Variants in IMMP2L observed in about 807,000 individuals in gnomAD.
The protein encoded by IMMP2L is mitochondrial inner membrane protease subunit 2.
Under a neutral mutation model 19.3 loss-of-function variants are expected in IMMP2L, and 18 were observed. That is an observed-to-expected ratio of 0.93 (90% CI 0.64 to 1.38). The LOEUF (loss-of-function observed/expected upper bound fraction) is 1.38, where lower values mean the gene tolerates loss of function less well. IMMP2L is among the 40% of genes most tolerant of loss of function. IMMP2L has a pLI of 0.00. For missense variants in IMMP2L, 233 were observed against 218.2 expected (o/e 1.07, Z -0.43); for synonymous variants, 76 against 73.0 (o/e 1.04, Z -0.21).
chr7:111,231,805 G>A (rs1370190223), intron 3 of IMMP2L, among the ~76,000 whole-genome samples: 1 of 151,848 alleles, frequency 6.6e-6, no homozygotes, highest in Admixed American at 6.6e-5. Flanking sequence ...ATAAGTGTAG[G>A]CAATTCGAAT....
chr7:110,753,412 G>A (rs1385878624), intron 5 of IMMP2L, among the ~76,000 whole-genome samples: 3 of 151,960 alleles, frequency 2.0e-5, no homozygotes, highest in African/African-American at 7.2e-5. Context: ...CTTTCATTAC[G>A]GATTCCTGCA....
intron 3 of IMMP2L, among the ~76,000 whole-genome samples, chr7:111,383,007 G>A (rs1831355379): frequency 6.6e-6 from 1 of 151,996 alleles, no homozygotes; most frequent in Admixed American, 6.6e-5. Flanking sequence ...TCTACTCTGT[G>A]GCCAGTCATC....
rs867343942 is a variant in IMMP2L, at chr7:111,151,804, T to C, written c.240-188239A>G. Among the ~76,000 whole-genome samples the C allele has an allele frequency of 3.3e-5, 5 of 151,932 alleles. No homozygotes were observed. The South Asian group carries it at 8.3e-4, about 25-fold the overall frequency. On this transcript the variant is annotated intron_variant, in intron 3 of 5. Coordinates refer to ENST00000405709, the MANE Select transcript of IMMP2L (RefSeq NM_032549.4). ...AAGCACAAAAGTTAGCTGGGCGTGG[T>C]GCATGCCTGTAATCCCAGCTACTCA...
At chr7:111,238,655 T>C (rs1325724554) in intron 3 of IMMP2L, among the ~76,000 whole-genome samples, 1 of 151,870 alleles carries the variant, frequency 6.6e-6, no homozygotes, top group African/African-American at 2.4e-5. Context: ...AAAGGTAAAA[T>C]ATCCATGCAT....
At chr7:110,802,598 C>T (rs943996992) in intron 5 of IMMP2L, among the ~76,000 whole-genome samples, 1 of 151,814 alleles carries the variant, frequency 6.6e-6, no homozygotes, top group Admixed American at 6.6e-5. Context: ...TCATAAGATA[C>T]GGTCTTCTAT....
At chr7:111,349,890 T>G (rs1020410797) in intron 3 of IMMP2L, among the ~76,000 whole-genome samples, 4 of 151,702 alleles carry the variant, frequency 2.6e-5, no homozygotes, top group Admixed American at 2.6e-4. Flanking sequence ...AGAATAAGAG[T>G]CCCCGACCCA....
intron 1 of IMMP2L, among the ~76,000 whole-genome samples, chr7:111,561,440 C>T (rs1792035246): frequency 6.6e-6 from 1 of 152,136 alleles, no homozygotes; most frequent in South Asian, 2.1e-4. Context: ...ATGTAAACAT[C>T]CCTAGGGGGG....
chr7:111,082,918 T>A (rs1796007450), intron 3 of IMMP2L, among the ~76,000 whole-genome samples: 1 of 152,012 alleles, frequency 6.6e-6, no homozygotes, highest in Non-Finnish European at 1.5e-5. Context: ...TACATTTCCT[T>A]ACCTTAAAAA....
chr7:110,818,697 C>T (rs912665672), intron 5 of IMMP2L, among the ~76,000 whole-genome samples: 2 of 151,972 alleles, frequency 1.3e-5, no homozygotes, highest in African/African-American at 4.8e-5. Flanking sequence ...ATAGCAAAGA[C>T]TTGGAACCAA....
intron 5 of IMMP2L, among the ~76,000 whole-genome samples, chr7:110,859,947 C>T (rs1001332681): frequency 2.0e-5 from 3 of 152,050 alleles, no homozygotes; most frequent in African/African-American, 4.8e-5. Flanking sequence ...AACTTGTTCT[C>T]ATCTACTCTG....
intron 3 of IMMP2L, among the ~76,000 whole-genome samples, chr7:111,186,163 G>GT (rs1273463087): frequency 6.6e-6 from 1 of 152,130 alleles, no homozygotes; most frequent in Non-Finnish European, 1.5e-5. Context: ...GAGAAGAGTT[G>GT]TATAGGGTAT....
chr7:111,557,329 A>G (rs1028278874), intron 1 of IMMP2L, among the ~76,000 whole-genome samples: 3 of 152,214 alleles, frequency 2.0e-5, no homozygotes, highest in Middle Eastern at 3.4e-3. Flanking sequence ...TAAGAAGTGT[A>G]CCCTGAACTG....
intron 3 of IMMP2L, among the ~76,000 whole-genome samples, chr7:111,437,736 G>T (rs1241818509): frequency 6.6e-6 from 1 of 151,514 alleles, no homozygotes; most frequent in Non-Finnish European, 1.5e-5. Flanking sequence ...TTGATTATCT[G>T]TCTGGCCCAC....
chr7:111,217,124 TCTCA>T (rs1404266630), intron 3 of IMMP2L, among the ~76,000 whole-genome samples: 1,912 of 102,518 alleles, frequency 0.019, 19 homozygotes, highest in East Asian at 0.036. Context: ...TCTCTCTCTC[TCTCA>T]CACACACACA....
rs182115255 is a variant in IMMP2L at position 111,175,687 on chromosome 7, T to C, written c.240-212122A>G. On this transcript the variant is annotated intron_variant, in intron 3 of 5. Transcript: ENST00000405709. ...TCTATGAAATTATTCCAAGAAAACA[T>C]TGGGGAAACTCTCCAGGACATAGGA... 7.2e-5 allele frequency among the ~76,000 whole-genome samples: 11 copies of C among 151,788 alleles called. No homozygotes were observed. In the East Asian group the frequency reaches 1.4e-3, roughly 19 times the overall value.
chr7:110,886,919 G>C (rs769559238), intron 4 of IMMP2L, among the ~76,000 whole-genome samples: 2 of 152,040 alleles, frequency 1.3e-5, no homozygotes, highest in African/African-American at 2.4e-5. Flanking sequence ...TTTGTGCTTA[G>C]ATGAAATGTA....
chr7:111,463,155 A>C (rs1840289910), intron 3 of IMMP2L, among the ~76,000 whole-genome samples: 1 of 151,796 alleles, frequency 6.6e-6, no homozygotes, highest in African/African-American at 2.4e-5. Flanking sequence ...TCTTCTGCCT[A>C]TATCTCTTCA....
At chr7:110,825,531 C>T (rs1337520009) in intron 5 of IMMP2L, among the ~76,000 whole-genome samples, 4 of 152,006 alleles carry the variant, frequency 2.6e-5, no homozygotes, top group Non-Finnish European at 5.9e-5. Context: ...GAAATAATAC[C>T]ACACATCTAC....
chr7:111,166,025 G>A (rs1218795327), intron 3 of IMMP2L, among the ~76,000 whole-genome samples: 2 of 151,918 alleles, frequency 1.3e-5, no homozygotes, highest in South Asian at 4.1e-4. Context: ...ATATCATTTC[G>A]AAGAATATTT....
Sources: gnomAD v4.1 joint callset for allele counts (sites outside exome capture counted in the v4.1 genomes callset) on GRCh38, gnomAD v4.1.1 for gene constraint, MANE v1.5 for transcripts, NCBI Gene and HGNC (gene_info 2026-07-23, HGNC 2026-07-21) for gene names.